The following LRCH3 variants were observed in gnomAD, a reference collection of about 807,000 sequenced individuals.
LRCH3 encodes leucine rich repeats and calponin homology domain containing 3.
In LRCH3, 68 loss-of-function variants were observed where a neutral mutation model predicts 104.5. That is an observed-to-expected ratio of 0.65 (90% CI 0.54 to 0.80). The LOEUF (loss-of-function observed/expected upper bound fraction) is 0.80. Ranked by LOEUF, LRCH3 falls within the 30% of genes least tolerant of loss-of-function variation. The probability of loss-of-function intolerance (pLI) is 0.00; values close to 1 mark genes in which losing one functional copy is unlikely to be tolerated. For synonymous variants in LRCH3, 344 were observed against 361.3 expected, an observed-to-expected ratio of 0.95 and a Z score of 0.54; for missense variants, 951 against 953.9, an observed-to-expected ratio of 1.00 and a Z score of 0.04.
Position 197,833,365 on chromosome 3 carries a change from G to GAAAAAAAAA in LRCH3, c.1102+1066_1102+1074dup, listed in dbSNP as rs71166710. Reference sequence around the variant, plus strand: ...TGAAACCCCATCTCTACTAAAAACCGAAAAAAAAAAAAAAAAAAAAAAAAA... The same window carrying GAAAAAAAAA: ...TGAAACCCCATCTCTACTAAAAACCGAAAAAAAAAAAAAAAAAAAAAAAAAAAAAAAAAA... On this transcript the variant is annotated intron_variant, in intron 8 of 20. Coordinates refer to ENST00000425562, the MANE Select transcript of LRCH3 (RefSeq NM_001365715.1). 4.5e-4 allele frequency among the ~76,000 whole-genome samples: 15 copies of GAAAAAAAAA among 33,336 alleles called. 4 individuals carry two copies. The highest frequency in any genetic ancestry group is 4.3e-3 in the South Asian group (2 of 466). The allele number at this position is 33,336 out of a possible 152,430, so 21.9% of individuals were successfully genotyped here.
intron 1 of LRCH3, among the ~76,000 whole-genome samples, chr3:197,792,200 C>A (rs146314141): frequency 2.9e-4 from 44 of 151,874 alleles, no homozygotes; most frequent in African/African-American, 1.1e-3. Flanking sequence ...AAAATAAATA[C>A]GCTTGTAAAA....
At chr3:197,864,026 C>T (rs1741174699) in intron 15 of LRCH3, among the ~76,000 whole-genome samples, 1 of 152,226 alleles carries the variant, frequency 6.6e-6, no homozygotes, top group South Asian at 2.1e-4. Flanking sequence ...CACAACTAGG[C>T]CGGGCGTGGT....
intron 1 of LRCH3, among the ~76,000 whole-genome samples, chr3:197,811,384 T>C (rs1733105391): frequency 6.6e-6 from 1 of 152,182 alleles, no homozygotes; most frequent in Non-Finnish European, 1.5e-5. Flanking sequence ...CTTTACAGTT[T>C]TACATTGCTC....
intron 1 of LRCH3, among the ~76,000 whole-genome samples, chr3:197,813,475 A>G (rs1580604352): frequency 7.0e-6 from 1 of 143,386 alleles, no homozygotes; most frequent in Non-Finnish European, 1.5e-5. Context: ...GCAAGACCAT[A>G]GGTAATGTTC....
chr3:197,838,505 TG>T (rs1273647527), intron 9 of LRCH3, among the ~76,000 whole-genome samples: 1 of 152,246 alleles, frequency 6.6e-6, no homozygotes, highest in Admixed American at 6.5e-5. Context: ...ATATCCTTTT[TG>T]GGAAAGTTGT....
intron 8 of LRCH3, among the ~76,000 whole-genome samples, 171 bp from the exon 9 acceptor site, chr3:197,835,497 TAAAAAA>T (rs79382131): frequency 7.4e-6 from 1 of 135,100 alleles, no homozygotes. Flanking sequence ...ATAAAATGGG[TAAAAAA>T]AAAAAAAAAA....
intron 12 of LRCH3, among the ~76,000 whole-genome samples, chr3:197,851,274 G>T (rs1194811009): frequency 7.2e-5 from 11 of 152,160 alleles, no homozygotes; most frequent in Admixed American, 5.2e-4. Context: ...AGAGAGTCTT[G>T]ATTAAATGTC....
chr3:197,816,994 T>G (rs1733873201), intron 2 of LRCH3, among the ~76,000 whole-genome samples, 182 bp from the exon 3 acceptor site: 1 of 152,138 alleles, frequency 6.6e-6, no homozygotes, highest in Admixed American at 6.5e-5. Flanking sequence ...CAGATTAAGT[T>G]CAACACTGTG....
At chr3:197,823,274 G>T in intron 4 of LRCH3, 1 of 146,712 alleles carries the variant, frequency 6.8e-6, no homozygotes, top group Non-Finnish European at 1.5e-5. Flanking sequence ...GGCCTTTTTT[G>T]TATTTTTAGT....
rs186599609 is a variant in LRCH3 at position 197,877,604 on chromosome 3, T to C, written c.2208+1829T>C. ...CCAGTTCACCGCACCTCTTTCTAAC[T>C]AGCCAGGAGTTGACTAGGCCACAGC... On this transcript the variant is annotated intron_variant, in intron 20 of 20. Coordinates refer to ENST00000425562, the MANE Select transcript of LRCH3 (RefSeq NM_001365715.1). Among the ~76,000 whole-genome samples the C allele has an allele frequency of 2.4e-4, 37 of 152,226 alleles. 1 individual carries two copies. The highest frequency in any genetic ancestry group is 5.0e-4 in the Non-Finnish European group (34 of 68,020).
rs575414627 is a variant in LRCH3, at chr3:197,870,496, G to T, written c.1992+218G>T. ...TTCTTCTGCCTCAGCCTCCTGAGTC[G>T]CTGGGATTACAGGCGCCCATCACTG... On this transcript the variant is annotated intron_variant, in intron 18 of 20. Coordinates refer to ENST00000425562, the MANE Select transcript of LRCH3 (RefSeq NM_001365715.1). Among the ~76,000 whole-genome samples the T allele has an allele frequency of 1.9e-4, 29 of 152,080 alleles. 1 individual carries two copies. In the South Asian group the frequency reaches 5.6e-3, roughly 29 times the overall value.
intron 17 of LRCH3, among the ~76,000 whole-genome samples, chr3:197,867,467 C>T (rs1431386527): frequency 2.7e-5 from 4 of 148,674 alleles, no homozygotes; most frequent in Admixed American, 1.3e-4. Context: ...CTGTAATCCT[C>T]GCACTTTGGG....
chr3:197,858,632 G>A (rs1740545803), intron 14 of LRCH3, among the ~76,000 whole-genome samples: 1 of 152,028 alleles, frequency 6.6e-6, no homozygotes, highest in South Asian at 2.1e-4. Context: ...AGACTATCCT[G>A]AATTATACAA....
chr3:197,855,981 C>G (rs537832234), intron 14 of LRCH3, among the ~76,000 whole-genome samples: 1 of 152,190 alleles, frequency 6.6e-6, no homozygotes, highest in Admixed American at 6.5e-5. Flanking sequence ...AACGTGGCCT[C>G]GAAGCTCCCT....
Position 197,887,597 on chromosome 3 carries a change from C to T in LRCH3, c.*3931C>T, listed in dbSNP as rs1306202011. On this transcript the variant is annotated 3_prime_UTR_variant, in exon 21 of 21. Coordinates refer to ENST00000425562, the MANE Select transcript of LRCH3 (RefSeq NM_001365715.1). ...ACTGACAGTGTTGGGGGCTGAGAGC[C>T]CCCCTAGCAGAGCCCTTCCCATCAC... 4.0e-5 allele frequency: 6 copies of T among 151,578 alleles called. No individual in the cohort carries two copies. The highest frequency in any genetic ancestry group is 1.3e-4 in the Admixed American group (2 of 14,984). 9.4% of individuals were successfully genotyped at this position (151,578 alleles called of 1,614,324 possible).
chr3:197,826,469 A>G (rs1395623225), intron 4 of LRCH3, among the ~76,000 whole-genome samples: 1 of 152,226 alleles, frequency 6.6e-6, no homozygotes, highest in Non-Finnish European at 1.5e-5. Flanking sequence ...CAATTTCACT[A>G]GAAAATAACT....
At chr3:197,880,679 C>A in intron 20 of LRCH3, 1 of 1,536,810 alleles carries the variant, frequency 6.5e-7, no homozygotes, top group Non-Finnish European at 8.7e-7. Flanking sequence ...TGTTAACTCT[C>A]TGTGTGCTTT....
At chr3:197,865,012 A>C (rs1374736098) in intron 15 of LRCH3, among the ~76,000 whole-genome samples, 1 of 152,006 alleles carries the variant, frequency 6.6e-6, no homozygotes, top group Non-Finnish European at 1.5e-5. Flanking sequence ...AAAAAGAGAG[A>C]GAGAGGGAGA....
At chr3:197,832,753 C>T (rs1293319586) in intron 8 of LRCH3, among the ~76,000 whole-genome samples, 3 of 147,316 alleles carry the variant, frequency 2.0e-5, no homozygotes, top group Admixed American at 6.9e-5. Flanking sequence ...TCAAAGTCAT[C>T]TGAATCACAG....
Sources: gnomAD v4.1 joint callset for allele counts (sites outside exome capture counted in the v4.1 genomes callset) on GRCh38, gnomAD v4.1.1 for gene constraint, MANE v1.5 for transcripts, NCBI Gene and HGNC (gene_info 2026-07-23, HGNC 2026-07-21) for gene names.